The following MMP8 variants were observed in gnomAD, a reference collection of about 807,000 sequenced individuals.
MMP8 encodes the protein neutrophil collagenase.
Under a neutral mutation model 51.2 loss-of-function variants are expected in MMP8, and 67 were observed. The ratio of observed to expected loss-of-function variants is 1.31; its 90% CI spans 1.08 to 1.60. MMP8 has a LOEUF of 1.60. Among genes scored for constraint, MMP8 ranks in the 40% most tolerant of loss-of-function variants. The probability of loss-of-function intolerance (pLI) is 0.00; values close to 1 mark genes in which losing one functional copy is unlikely to be tolerated. For synonymous variants in MMP8, 225 were observed against 191.0 expected (o/e 1.18, Z -1.47); for missense variants, 654 against 558.1 (o/e 1.17, Z -1.73).
intron 8 of MMP8, 150 bp downstream of exon 8, chr11:102,714,406 C>T (rs1861218514): frequency 4.4e-6 from 2 of 457,896 alleles, no homozygotes; most frequent in Non-Finnish European, 7.1e-6. Context: ...GCCATGGTAA[C>T]ATCAATCATC....
intron 4 of MMP8, among the ~76,000 whole-genome samples, chr11:102,719,405 A>G (rs919594150): frequency 2.0e-5 from 3 of 149,144 alleles, no homozygotes; most frequent in African/African-American, 7.8e-5. Flanking sequence ...AAAAAAAGCC[A>G]TAATTGTAGA....
In MMP8 at chr11:102,715,467, C is replaced by T. The variant is rs1272717404; in HGVS notation, c.903-30G>A. 3 of 1,599,962 alleles carry T rather than the reference C, an allele frequency of 1.9e-6. No homozygotes were observed. The Admixed American group carries it at 5.2e-5, about 28-fold the overall frequency. The stretch of plus-strand genomic sequence containing the variant: ...CGGAACATAAGGAAACACACACACA[C>T]ACTTATACATAACAGTCTAAGTAGG... On this transcript the variant is annotated intron_variant, in intron 6 of 9. Transcript: ENST00000236826.
chr11:102,723,844 C>T (rs182109900), intron 1 of MMP8: 366 of 244,442 alleles, frequency 1.5e-3, no homozygotes, highest in Admixed American at 3.1e-3. Flanking sequence ...CCAGATCACA[C>T]GCTTTGGAAT....
intron 4 of MMP8, among the ~76,000 whole-genome samples, chr11:102,719,422 A>G (rs1232591760): frequency 1.3e-5 from 2 of 149,090 alleles, no homozygotes; most frequent in African/African-American, 5.2e-5. Flanking sequence ...TAGAGTACCT[A>G]CAACATACTA....
At position 102,713,356 on chromosome 11, in the gene MMP8, A is replaced by G. The variant is rs1861180527; in HGVS notation, c.1396T>C (p.Tyr466His). The G allele has an allele frequency of 1.2e-6, 2 of 1,610,530 alleles. No homozygotes were observed. Among genetic ancestry groups the G allele is most frequent in the Non-Finnish European group, 1.7e-6 (2 of 1,176,968 alleles). Reference sequence around the variant, plus strand: ...CCACATTTGATTTTGCTTCAGCCATATCTACAGTTAAGCCATTTATTGCCT... The same window carrying G: ...CCACATTTGATTTTGCTTCAGCCATGTCTACAGTTAAGCCATTTATTGCCT... ...ARGNKWLNCR[Y>H]G The change falls in exon 10 of 10, where the codon TAT becomes CAT. Residue 466 changes from tyrosine to histidine, a missense_variant. Transcript: ENST00000236826.
chr11:102,715,964 A>G (rs1195992374), intron 6 of MMP8, among the ~76,000 whole-genome samples: 1 of 151,774 alleles, frequency 6.6e-6, no homozygotes, highest in Non-Finnish European at 1.5e-5. Context: ...GCTGTAGCCC[A>G]TGTCTGTTTA....
In MMP8 at chr11:102,716,340, G is replaced by T. The variant is rs754860351; in HGVS notation, c.864C>A (p.Ile288=). ...AAAGTATTTCTCCACGGAGTGTGGT[G>T]ATAGCATCAAATGTCAAACTGGGGT... ...PCDPSLTFDA[I]TTLRGEILFF... The change falls in exon 6 of 10, where the codon ATC becomes ATA. Residue 288 remains isoleucine, a synonymous_variant. Coordinates refer to ENST00000236826, the MANE Select transcript of MMP8 (RefSeq NM_002424.3). 19 of 1,547,110 alleles carry T rather than the reference G, an allele frequency of 1.2e-5. No individual in the cohort carries two copies. In the South Asian group the frequency reaches 2.0e-4, roughly 16 times the overall value.
In MMP8 at chr11:102,714,584, A is replaced by G. The variant is rs776492098; in HGVS notation, c.1162T>C (p.Tyr388His). 6 of 1,500,060 alleles carry G rather than the reference A, an allele frequency of 4.0e-6. No individual in the cohort carries two copies. The highest frequency in any genetic ancestry group is 2.6e-5 in the East Asian group (1 of 38,174). The allele number at this position is 1,500,060 out of a possible 1,614,324, so 92.9% of individuals were successfully genotyped here. Residue 388 changes from tyrosine to histidine, a missense_variant, in exon 8 of 10, where the codon TAC (tyrosine) becomes CAC (histidine). Physicochemically the swap from Tyr to His is moderately conservative, Grantham distance 83 (BLOSUM62 2). Transcript: ENST00000236826. ...DAAVFYRSKT[Y>H]FFVNDQFWRY... ...CAGAATTGGTCATTTACAAAGAAGT[A>G]TGTTTTACTTCTGTAGAAAACAGCT... is the stretch of plus-strand genomic sequence containing the variant.
rs574199319 is a variant in MMP8, at chr11:102,722,693, T to C, written c.103-20A>G. On this transcript the variant is annotated intron_variant, in intron 1 of 9. Transcript: ENST00000236826. Reference sequence around the variant, plus strand: ...GTAGTCCTGGACAAAGACAAGCACATAGGGGTCTTGCTGTGAAAGGACCTC... The same window carrying C: ...GTAGTCCTGGACAAAGACAAGCACACAGGGGTCTTGCTGTGAAAGGACCTC... 3.1e-6 allele frequency: 5 copies of C among 1,611,498 alleles called. No homozygotes were observed. In the South Asian group the frequency reaches 3.3e-5, roughly 11 times the overall value.
Position 102,721,625 on chromosome 11 carries a change from A to G in MMP8, c.485T>C (p.Phe162Ser). ...SQGEADINIA[F>S]YQRDHGDNSP... Reference sequence around the variant, plus strand: ...TGCTTTGTACCTACCTCTTTGGTAAAAAGCAATGTTGATATCTGCCTCTCC... The same window carrying G: ...TGCTTTGTACCTACCTCTTTGGTAAGAAGCAATGTTGATATCTGCCTCTCC... Residue 162 changes from phenylalanine to serine, a missense_variant, in exon 3 of 10, where the codon TTT becomes TCT. Phe to Ser is a radical substitution (Grantham distance 155). Coordinates refer to ENST00000236826, the MANE Select transcript of MMP8 (RefSeq NM_002424.3). 1 of 1,613,796 alleles carries G rather than the reference A, an allele frequency of 6.2e-7. No homozygotes were observed. Among genetic ancestry groups the G allele is most frequent in the Non-Finnish European group, 8.5e-7 (1 of 1,179,816 alleles).
At position 102,716,298 on chromosome 11, in the gene MMP8, A is replaced by G. The variant is rs749550189; in HGVS notation, c.902+4T>C. ...TCAAAGGAAGAAATATTTCAATTTTATACCTGTCTTTAAAGAAAAGTATTT... is the reference window on the plus strand; with the variant it reads ...TCAAAGGAAGAAATATTTCAATTTTGTACCTGTCTTTAAAGAAAAGTATTT... On this transcript the variant is annotated splice_donor_region_variant and intron_variant, in intron 6 of 9. Transcript: ENST00000236826. The G allele has an allele frequency of 3.8e-6, 6 of 1,561,124 alleles. No homozygotes were observed. Among genetic ancestry groups the G allele is most frequent in the Non-Finnish European group, 4.4e-6 (5 of 1,139,726 alleles).
In MMP8 at chr11:102,715,322, G is replaced by A; in HGVS notation, c.1018C>T (p.Leu340Phe). The A allele has an allele frequency of 6.2e-7, 1 of 1,611,284 alleles. No individual in the cohort carries two copies. The highest frequency in any genetic ancestry group is 8.5e-7 in the Non-Finnish European group (1 of 1,179,102). ...AAGTTACCTTTAAATAGGAAAATGA[G>A]GTCTCTGTCAAAATCTTCATAAGCA... The part of the protein sequence containing the change: ...QAAYEDFDRD[L>F]IFLFKGNQYW... The change falls in exon 7 of 10, where the codon CTC (leucine) becomes TTC (phenylalanine). Residue 340 changes from leucine to phenylalanine, a missense_variant. Transcript: ENST00000236826.
In MMP8 at chr11:102,722,569, A is replaced by G. The variant is rs1285185420; in HGVS notation, c.207T>C (p.Phe69=). The change falls in exon 2 of 10, where the codon TTT becomes TTC. Residue 69 remains phenylalanine, a synonymous_variant. Coordinates refer to ENST00000236826, the MANE Select transcript of MMP8 (RefSeq NM_002424.3). ...GCTTCCCCGTCACATTCAACCCAAA[A>G]AATCGCTGCATTTCTTTAAGCTTTT... ...IVEKLKEMQR[F]FGLNVTGKPN... 2 of 1,613,898 alleles carry G rather than the reference A, an allele frequency of 1.2e-6. No individual in the cohort carries two copies. The highest frequency in any genetic ancestry group is 1.7e-5 in the Admixed American group (1 of 59,992).
At chr11:102,724,652 A>G in intron 1 of MMP8, 102 bp downstream of exon 1, 1 of 1,086,448 alleles carries the variant, frequency 9.2e-7, no homozygotes, top group Non-Finnish European at 1.3e-6. Context: ...CTAATCACCC[A>G]AATAATTTCT....
intron 4 of MMP8, among the ~76,000 whole-genome samples, chr11:102,719,985 C>G (rs1939021): frequency 6.6e-6 from 1 of 151,998 alleles, no homozygotes; most frequent in Non-Finnish European, 1.5e-5. Context: ...AAAGGTGGTG[C>G]GTGGGGCATG....
In MMP8 at chr11:102,713,688, A is replaced by G. The variant is rs1024012123; in HGVS notation, c.1294+66T>C. 4.4e-6 allele frequency: 6 copies of G among 1,351,644 alleles called. 1 individual carries two copies. In the Admixed American group the frequency reaches 7.7e-5, roughly 17 times the overall value. The allele number at this position is 1,351,644 out of a possible 1,614,324, so 83.7% of individuals were successfully genotyped here. ...TGACACTAACCTGGTCAGCATAGTAAGACCCTGTCTCCTCTATAATAAACA... is the reference window on the plus strand; with the variant it reads ...TGACACTAACCTGGTCAGCATAGTAGGACCCTGTCTCCTCTATAATAAACA... On this transcript the variant is annotated intron_variant, in intron 9 of 9. Transcript: ENST00000236826.
rs1861145687 is a variant in MMP8, at chr11:102,712,268, G to C, written c.*1080C>G. On this transcript the variant is annotated 3_prime_UTR_variant, in exon 10 of 10. Coordinates refer to ENST00000236826, the MANE Select transcript of MMP8 (RefSeq NM_002424.3). ...TTGGACTCTAGGAGAGAGCAAGGAG[G>C]AGGCAGGAGAGGAAGTGGTGGTTCT... 1 of 152,350 alleles carries C rather than the reference G, an allele frequency of 6.6e-6. No individual in the cohort carries two copies. The allele number at this position is 152,350 out of a possible 1,614,324, so 9.4% of individuals were successfully genotyped here. A position where few individuals can be genotyped will look rare whatever the true frequency, so the allele number is the denominator to read the frequency against.
chr11:102,722,263 C>T (rs1861495206), intron 2 of MMP8, among the ~76,000 whole-genome samples, 166 bp downstream of exon 2: 2 of 151,994 alleles, frequency 1.3e-5, no homozygotes, highest in Admixed American at 6.6e-5. Flanking sequence ...AAAGAACCCA[C>T]GGTATCTCAA....
chr11:102,721,351 T>C (rs770795062), intron 4 of MMP8, 50 bp downstream of exon 4: 2 of 1,607,612 alleles, frequency 1.2e-6, no homozygotes, highest in African/African-American at 2.7e-5. Context: ...TTCTAATCTG[T>C]AAAAGGTTAA....
Sources: gnomAD v4.1 joint callset for allele counts (sites outside exome capture counted in the v4.1 genomes callset) on GRCh38, gnomAD v4.1.1 for gene constraint, MANE v1.5 for transcripts, NCBI Gene and HGNC (gene_info 2026-07-23, HGNC 2026-07-21) for gene names.